The following ADAMTS9 variants were observed in gnomAD, a reference collection of about 807,000 sequenced individuals.
ADAMTS9 encodes A disintegrin and metalloproteinase with thrombospondin motifs 9.
In ADAMTS9, 107 loss-of-function variants were observed where a neutral mutation model predicts 257.1. That is an observed-to-expected ratio of 0.42 (90% confidence interval 0.36 to 0.49). The LOEUF is 0.49. ADAMTS9 is among the 20% of genes least tolerant of loss of function. The pLI is 0.03. For missense variants in ADAMTS9, 2,353 were observed against 2,469.1 expected (o/e 0.95, Z 1.00); for synonymous variants, 982 against 880.9 (o/e 1.11, Z -2.03).
At chr3:64,581,132 C>G (rs78862743) in intron 28 of ADAMTS9, among the ~76,000 whole-genome samples, 1 of 152,124 alleles carries the variant, frequency 6.6e-6, no homozygotes, top group African/African-American at 2.4e-5. Flanking sequence ...GGGCTCACAT[C>G]AGATGTTTAA....
chr3:64,542,047 G>A, intron 32 of ADAMTS9, 77 bp from the exon 33 acceptor site: 2 of 1,579,122 alleles, frequency 1.3e-6, no homozygotes, highest in Non-Finnish European at 8.6e-7. Context: ...GGAGCTCAGA[G>A]CCCTGATGTC....
chr3:64,572,834 C>T (rs1056985886), intron 28 of ADAMTS9, among the ~76,000 whole-genome samples: 1 of 151,760 alleles, frequency 6.6e-6, no homozygotes, highest in Non-Finnish European at 1.5e-5. Flanking sequence ...AATCCCAGGA[C>T]TTTGGGAGGC....
intron 36 of ADAMTS9, 86 bp from the exon 37 acceptor site, chr3:64,539,380 G>T: frequency 1.8e-6 from 2 of 1,106,304 alleles, no homozygotes. Context: ...CAAGGAGACA[G>T]AAGGGAAGAA....
intron 2 of ADAMTS9, among the ~76,000 whole-genome samples, chr3:64,683,215 G>A (rs544580967): frequency 6.6e-6 from 1 of 152,292 alleles, no homozygotes; most frequent in African/African-American, 2.4e-5. Flanking sequence ...AAGAGCCAGG[G>A]AGCTCAGCTG....
intron 19 of ADAMTS9, among the ~76,000 whole-genome samples, chr3:64,618,707 T>C (rs1236338107): frequency 6.6e-6 from 1 of 152,194 alleles, no homozygotes; most frequent in African/African-American, 2.4e-5. Context: ...TAGCTATTCC[T>C]GTTATAATTT....
intron 37 of ADAMTS9, among the ~76,000 whole-genome samples, chr3:64,537,599 A>T: frequency 6.6e-6 from 1 of 152,198 alleles, no homozygotes; most frequent in Admixed American, 6.5e-5. Flanking sequence ...CCTCGTTAAA[A>T]CAACGTTCAG....
chr3:64,592,018 A>G (rs550683327), intron 28 of ADAMTS9, among the ~76,000 whole-genome samples: 12 of 152,340 alleles, frequency 7.9e-5, no homozygotes, highest in African/African-American at 2.4e-4. Flanking sequence ...GGAATTACTA[A>G]GATATTATAC....
At chr3:64,664,480 A>G (rs1403184215) in intron 3 of ADAMTS9, among the ~76,000 whole-genome samples, 1 of 152,074 alleles carries the variant, frequency 6.6e-6, no homozygotes, top group Non-Finnish European at 1.5e-5. Flanking sequence ...ATATTGTTCT[A>G]TTTATGAATT....
intron 3 of ADAMTS9, among the ~76,000 whole-genome samples, chr3:64,671,332 C>T: frequency 6.6e-6 from 1 of 152,122 alleles, no homozygotes; most frequent in East Asian, 1.9e-4. Flanking sequence ...GGGCTGATTA[C>T]AAAGGACACC....
intron 30 of ADAMTS9, among the ~76,000 whole-genome samples, chr3:64,560,954 C>T (rs540365068): frequency 1.3e-5 from 2 of 152,270 alleles, no homozygotes; most frequent in East Asian, 1.9e-4. Flanking sequence ...AAACTTTTCC[C>T]CATGGACACA....
At chr3:64,571,719 C>T (rs940051201) in intron 28 of ADAMTS9, among the ~76,000 whole-genome samples, 5 of 152,184 alleles carry the variant, frequency 3.3e-5, no homozygotes, top group African/African-American at 1.2e-4. Context: ...ATAGCAAATA[C>T]TCTTCTTTTA....
At position 64,613,426 on chromosome 3, in the gene ADAMTS9, A is replaced by G; in HGVS notation, c.3273T>C (p.Cys1091=). 6.2e-7 allele frequency: 1 copy of G among 1,614,068 alleles called. No individual in the cohort carries two copies. Residue 1091 remains cysteine, a synonymous_variant, in exon 22 of 40, where the codon TGT becomes TGC. Transcript: ENST00000498707. ...TAGATGTTGGCTTGGTCTCAGGGTC[A>G]CACATTCTATCATTTAATCGATCTT... ...FGEDRLNDRM[C]DPETKPTSMQ...
intron 28 of ADAMTS9, among the ~76,000 whole-genome samples, chr3:64,573,021 T>A (rs2106703385): frequency 7.0e-6 from 1 of 141,962 alleles, no homozygotes; most frequent in East Asian, 2.1e-4. Flanking sequence ...GAGGTTGCAG[T>A]GAGTCAAGAT....
At chr3:64,549,043 TAATAGAG>T (rs1487407515) in intron 31 of ADAMTS9, among the ~76,000 whole-genome samples, 5 of 152,122 alleles carry the variant, frequency 3.3e-5, no homozygotes, top group Admixed American at 3.3e-4. Flanking sequence ...AGCCTCCAGG[TAATAGAG>T]GTCCCAGAGA....
intron 24 of ADAMTS9, 63 bp from the exon 25 acceptor site, chr3:64,604,152 C>A: frequency 6.2e-7 from 1 of 1,602,070 alleles, no homozygotes; most frequent in Non-Finnish European, 8.5e-7. Context: ...TGGACAGTAG[C>A]CCACTTTCTA....
intron 32 of ADAMTS9, among the ~76,000 whole-genome samples, chr3:64,543,806 C>T (rs535835219): frequency 3.4e-4 from 52 of 152,274 alleles, no homozygotes; most frequent in Admixed American, 3.0e-3. Context: ...GGTATTCAAT[C>T]AGGAAAAGAG....
chr3:64,625,590 C>T (rs1237737529), intron 16 of ADAMTS9, among the ~76,000 whole-genome samples: 1 of 152,142 alleles, frequency 6.6e-6, no homozygotes, highest in Non-Finnish European at 1.5e-5. Context: ...TAGGAATTAA[C>T]TGCATTGAAT....
intron 22 of ADAMTS9, 103 bp downstream of exon 22, chr3:64,613,242 C>G (rs955003758): frequency 7.1e-7 from 1 of 1,410,676 alleles, no homozygotes; most frequent in Non-Finnish European, 9.6e-7. Flanking sequence ...GCATGCCACC[C>G]GGCACAGCGG....
intron 28 of ADAMTS9, among the ~76,000 whole-genome samples, chr3:64,578,230 T>G (rs913455451): frequency 7.9e-5 from 12 of 151,848 alleles, no homozygotes; most frequent in African/African-American, 2.9e-4. Context: ...TCACTCTCAA[T>G]ATGCATTATT....
Sources: gnomAD v4.1 joint callset for allele counts (sites outside exome capture counted in the v4.1 genomes callset) on GRCh38, gnomAD v4.1.1 for gene constraint, MANE v1.5 for transcripts, NCBI Gene and HGNC (gene_info 2026-07-23, HGNC 2026-07-21) for gene names.